OSBPL11: variants seen among roughly 807,000 people sequenced by gnomAD.
OSBPL11 encodes the protein oxysterol-binding protein-related protein 11.
A neutral mutation model predicts 84.4 loss-of-function variants in OSBPL11; 33 were observed. The observed-to-expected ratio is 0.39, with a 90% CI of 0.30 to 0.52. The LOEUF (loss-of-function observed/expected upper bound fraction) is 0.52, where lower values mean the gene tolerates loss of function less well. Among genes scored for constraint, OSBPL11 ranks in the 20% least tolerant of loss-of-function variants. The probability of loss-of-function intolerance (pLI) is 0.72; values close to 1 mark genes in which losing one functional copy is unlikely to be tolerated. For synonymous variants in OSBPL11, 276 were observed against 310.2 expected, an observed-to-expected ratio of 0.89 and a Z score of 1.16; for missense variants, 736 against 901.1, an observed-to-expected ratio of 0.82 and a Z score of 2.35.
At chr3:125,570,762 A>G (rs1936232068) in intron 5 of OSBPL11, among the ~76,000 whole-genome samples, 1 of 152,154 alleles carries the variant, frequency 6.6e-6, no homozygotes. Context: ...GACTTCCGCC[A>G]TGACTGTGAG....
In OSBPL11 at chr3:125,576,351, C is replaced by T. The variant is rs138538314; in HGVS notation, c.504G>A (p.Leu168=). Residue 168 remains leucine (L), a synonymous_variant, in exon 5 of 13, where the codon CTG becomes CTA. Coordinates refer to ENST00000296220, the MANE Select transcript of OSBPL11 (RefSeq NM_022776.5). ...ATGCAAGTGAGAAGCTCCGTGACTT[C>T]AGAGGAGGATTATTCTGTTAGACAA... The part of the protein sequence containing the change: ...TEAIGKNNPP[L]KSRSFSLASS... 96 of 1,583,020 alleles carry T rather than the reference C, an allele frequency of 6.1e-5. 1 individual carries two copies. The African/African-American group carries it at 1.3e-3, about 21-fold the overall frequency.
intron 11 of OSBPL11, among the ~76,000 whole-genome samples, chr3:125,534,857 G>A (rs1367824741): frequency 1.3e-5 from 2 of 148,904 alleles, no homozygotes; most frequent in Non-Finnish European, 3.0e-5. Flanking sequence ...AGCTGTGGGA[G>A]AGGCTATTTG....
chr3:125,546,886 C>CA (rs981248229), intron 10 of OSBPL11, among the ~76,000 whole-genome samples: 1 of 136,706 alleles, frequency 7.3e-6, no homozygotes, highest in African/African-American at 2.7e-5. Context: ...GACTCTGTCT[C>CA]AAAAAAACAA....
intron 6 of OSBPL11, among the ~76,000 whole-genome samples, chr3:125,566,109 G>A (rs1936150438): frequency 6.6e-6 from 1 of 152,018 alleles, no homozygotes; most frequent in South Asian, 2.1e-4. Flanking sequence ...GGGTTCAAGC[G>A]ATTCTCCTGC....
At chr3:125,542,570 A>G (rs1413318802) in intron 10 of OSBPL11, among the ~76,000 whole-genome samples, 1 of 147,540 alleles carries the variant, frequency 6.8e-6, no homozygotes, top group African/African-American at 2.5e-5. Context: ...GTGCAGTGGC[A>G]CGATCTCAGC....
chr3:125,530,474 CAG>C lies in OSBPL11; in HGVS notation c.*39_*40del, dbSNP rs775557928. On this transcript the variant is annotated 3_prime_UTR_variant, in exon 13 of 13. Transcript: ENST00000296220. ...CCATTCTGGGAGGATTTAGGGTAAA[CAG>C]AGAAGAACCTCATTTGGTCGAGTTT... 6.4e-7 allele frequency: 1 copy of C among 1,566,148 alleles called. No individual in the cohort carries two copies. Among genetic ancestry groups the C allele is most frequent in the Non-Finnish European group, 8.8e-7 (1 of 1,136,590 alleles).
At chr3:125,557,814 T>C (rs1183176044) in intron 8 of OSBPL11, among the ~76,000 whole-genome samples, 1 of 126,554 alleles carries the variant, frequency 7.9e-6, no homozygotes, top group Non-Finnish European at 1.7e-5. Context: ...TTTTTTTTTT[T>C]TGAGACAGGG....
At position 125,581,342 on chromosome 3, in the gene OSBPL11, T is replaced by C. The variant is rs542720861; in HGVS notation, c.234-1302A>G. ...CCTGAACTCAGGCGATCCTCCCGCC[T>C]CGGCCTCCCAAAGTGCTTGGATTAC... is the stretch of plus-strand genomic sequence containing the variant. On this transcript the variant is annotated intron_variant, in intron 2 of 12. Coordinates refer to ENST00000296220, the MANE Select transcript of OSBPL11 (RefSeq NM_022776.5). 4.7e-4 allele frequency among the ~76,000 whole-genome samples: 72 copies of C among 151,784 alleles called. 1 individual carries two copies. In the South Asian group the frequency reaches 0.014, roughly 29 times the overall value.
intron 1 of OSBPL11, among the ~76,000 whole-genome samples, chr3:125,583,703 C>T (rs943276793): frequency 1.3e-5 from 2 of 150,918 alleles, no homozygotes; most frequent in Admixed American, 1.3e-4. Flanking sequence ...CCAGACTGGG[C>T]AACATAATGA....
chr3:125,532,029 C>T lies in OSBPL11; in HGVS notation c.2025-15G>A, dbSNP rs374554928. 1.0e-5 allele frequency: 16 copies of T among 1,594,230 alleles called. No individual in the cohort carries two copies. In the African/African-American group the frequency reaches 2.2e-4, roughly 22 times the overall value. ...TCCACAATCGCCTGAAATCCAAAAA[C>T]CACACATTTTACAAGCATTCTTTAA... On this transcript the variant is annotated splice_polypyrimidine_tract_variant and intron_variant, in intron 11 of 12. Coordinates refer to ENST00000296220, the MANE Select transcript of OSBPL11 (RefSeq NM_022776.5).
intron 10 of OSBPL11, among the ~76,000 whole-genome samples, chr3:125,546,670 C>T (rs1484683088): frequency 6.6e-6 from 1 of 152,012 alleles, no homozygotes; most frequent in African/African-American, 2.4e-5. Context: ...GCAGGCAGAT[C>T]ACTTAAGGCC....
chr3:125,594,920 C>A lies in OSBPL11; in HGVS notation c.-120G>T, dbSNP rs1185271969. The A allele has an allele frequency of 1.8e-6, 2 of 1,102,410 alleles. No homozygotes were observed. Among genetic ancestry groups the A allele is most frequent in the Non-Finnish European group, 2.6e-6 (2 of 781,450 alleles). The allele number at this position is 1,102,410 out of a possible 1,614,324, so 68.3% of individuals were successfully genotyped here. On this transcript the variant is annotated 5_prime_UTR_variant, in exon 1 of 13. Coordinates refer to ENST00000296220, the MANE Select transcript of OSBPL11 (RefSeq NM_022776.5). ...TGATACCGGTTGCTAAATCACACGG[C>A]GGCTGGGGCGGGACTGTCAAATGGT...
At chr3:125,577,064 A>G (rs1347087675) in intron 4 of OSBPL11, among the ~76,000 whole-genome samples, 1 of 152,256 alleles carries the variant, frequency 6.6e-6, no homozygotes, top group Non-Finnish European at 1.5e-5. Flanking sequence ...ATCCTTTGAT[A>G]CAAACTAGTA....
chr3:125,585,250 C>T lies in OSBPL11; in HGVS notation c.165-2272G>A, dbSNP rs531177770. On this transcript the variant is annotated intron_variant, in intron 1 of 12. Transcript: ENST00000296220. ...GGCTCATGCGATTTTTCTGCCTCTG[C>T]CTGCCAAGTAGCTGGGACTACAGGC... Among the ~76,000 whole-genome samples the T allele has an allele frequency of 3.3e-5, 5 of 152,228 alleles. No individual in the cohort carries two copies. The East Asian group carries it at 9.7e-4, about 29-fold the overall frequency.
rs1935563460 is a variant in OSBPL11 at position 125,531,941 on chromosome 3, G to A, written c.2098C>T (p.Leu700=). Residue 700 remains leucine, a synonymous_variant, in exon 12 of 13, where the codon CTG becomes TTG. Coordinates refer to ENST00000296220, the MANE Select transcript of OSBPL11 (RefSeq NM_022776.5). ...IDKATEHKHT[L]EERQRTEERH... ...TCTTCAGTCCTCTGACGTTCTTCCAGGGTATGCTTATGCTCTGTGGCCTTA... is the reference window on the plus strand; with the variant it reads ...TCTTCAGTCCTCTGACGTTCTTCCAAGGTATGCTTATGCTCTGTGGCCTTA... 6.2e-7 allele frequency: 1 copy of A among 1,614,072 alleles called. No homozygotes were observed. The highest frequency in any genetic ancestry group is 8.5e-7 in the Non-Finnish European group (1 of 1,180,012).
intron 2 of OSBPL11, among the ~76,000 whole-genome samples, chr3:125,581,248 T>C (rs947246214): frequency 6.6e-6 from 1 of 151,784 alleles, no homozygotes; most frequent in Admixed American, 6.6e-5. Context: ...CCCACCACCA[T>C]GCCCAGCTAA....
chr3:125,573,143 A>C (rs971542882), intron 5 of OSBPL11, among the ~76,000 whole-genome samples: 1 of 151,830 alleles, frequency 6.6e-6, no homozygotes, highest in East Asian at 1.9e-4. Flanking sequence ...ATTCAAAGAA[A>C]TGGAAAAGTG....
chr3:125,584,151 G>C (rs1439832779), intron 1 of OSBPL11, among the ~76,000 whole-genome samples: 3 of 152,108 alleles, frequency 2.0e-5, no homozygotes, highest in Admixed American at 6.6e-5. Flanking sequence ...GATCACCTAA[G>C]GTCAGGAGTT....
intron 5 of OSBPL11, among the ~76,000 whole-genome samples, chr3:125,568,018 A>G (rs774174142): frequency 1.9e-4 from 28 of 149,686 alleles, no homozygotes; most frequent in Admixed American, 3.4e-4. Context: ...AAGACATATT[A>G]GGCCATATTA....
Sources: allele counts gnomAD v4.1 joint callset (sites outside exome capture counted in the v4.1 genomes callset), GRCh38; gene constraint gnomAD v4.1.1; transcripts MANE v1.5; gene names NCBI Gene and HGNC (gene_info 2026-07-23, HGNC 2026-07-21).